The following GRIA1 variants were observed in gnomAD, a reference collection of about 807,000 sequenced individuals.
GRIA1 encodes glutamate ionotropic receptor AMPA type subunit 1.
GRIA1 carries 31 observed loss-of-function variants against 99.2 expected under a neutral mutation model. The observed-to-expected ratio is 0.31, with a 90% CI of 0.23 to 0.42. The LOEUF (loss-of-function observed/expected upper bound fraction) is 0.42, where lower values mean the gene tolerates loss of function less well. Ranked by LOEUF, GRIA1 falls within the 10% of genes least tolerant of loss-of-function variation. The pLI is 1.00. For synonymous variants in GRIA1, 438 were observed against 432.4 expected, an observed-to-expected ratio of 1.01 and a Z score of -0.16; for missense variants, 782 against 1,157.5, an observed-to-expected ratio of 0.68 and a Z score of 4.71.
At chr5:153,687,202 G>A (rs56100245) in intron 8 of GRIA1, among the ~76,000 whole-genome samples, 25,810 of 152,142 alleles carry the variant, frequency 0.17, 2,481 homozygotes, top group African/African-American at 0.25. Context: ...ATTTGGTGGC[G>A]TAGCATAATG....
At chr5:153,708,384 C>T (rs537069768) in intron 11 of GRIA1, among the ~76,000 whole-genome samples, 32 of 152,202 alleles carry the variant, frequency 2.1e-4, no homozygotes, top group African/African-American at 4.3e-4. Context: ...CTATGCTTTC[C>T]GGACTTCTGA....
intron 2 of GRIA1, among the ~76,000 whole-genome samples, chr5:153,600,033 T>C (rs1231586898): frequency 6.6e-6 from 1 of 152,128 alleles, no homozygotes; most frequent in Admixed American, 6.5e-5. Flanking sequence ...CGCACCTTGT[T>C]GCCAAATAGC....
chr5:153,695,683 G>T (rs1303840004), intron 8 of GRIA1, among the ~76,000 whole-genome samples: 1 of 152,184 alleles, frequency 6.6e-6, no homozygotes, highest in Non-Finnish European at 1.5e-5. Context: ...GTGAGTTTCT[G>T]GTTCTTCTGT....
chr5:153,637,726 A>G (rs79384849), intron 2 of GRIA1, among the ~76,000 whole-genome samples: 8,366 of 152,216 alleles, frequency 0.055, 258 homozygotes, highest in African/African-American at 0.073. Flanking sequence ...TCTCATTCTC[A>G]GTTGGCCTAA....
rs897579909 is a variant in GRIA1, at chr5:153,490,711, G to A, written c.-178G>A. 1.6e-5 allele frequency: 11 copies of A among 688,054 alleles called. No homozygotes were observed. Among genetic ancestry groups the A allele is most frequent in the Non-Finnish European group, 2.9e-5 (11 of 376,250 alleles). The allele number at this position is 688,054 out of a possible 1,614,324, so 42.6% of individuals were successfully genotyped here. ...AGTTGGTGTTAACGCTGCAGTTTAA[G>A]TGTTCGGATTCCAAGGGAAACAGAC... On this transcript the variant is annotated 5_prime_UTR_variant, in exon 1 of 16. In the 5' UTR this introduces an upstream ATG that the reference lacks. Coordinates refer to ENST00000285900, the MANE Select transcript of GRIA1 (RefSeq NM_000827.4).
intron 12 of GRIA1, among the ~76,000 whole-genome samples, 161 bp downstream of exon 12, chr5:153,764,793 C>T (rs1763404595): frequency 6.6e-6 from 1 of 152,248 alleles, no homozygotes; most frequent in East Asian, 1.9e-4. Flanking sequence ...CTTTCTACCA[C>T]CCCCCTGAGA....
At chr5:153,697,990 C>A in intron 8 of GRIA1, 54 bp from the exon 9 acceptor site, 2 of 938,666 alleles carry the variant, frequency 2.1e-6, no homozygotes, top group Middle Eastern at 2.1e-4. Flanking sequence ...CCAGAGCAGG[C>A]CAGTTCAGAG....
chr5:153,780,866 G>A (rs56968997), intron 13 of GRIA1, among the ~76,000 whole-genome samples: 19,413 of 152,036 alleles, frequency 0.13, 1,324 homozygotes, highest in Middle Eastern at 0.25. Context: ...ACCACACTAC[G>A]ATTGTTAACA....
At chr5:153,549,401 T>G (rs1369019638) in intron 2 of GRIA1, among the ~76,000 whole-genome samples, 1 of 151,818 alleles carries the variant, frequency 6.6e-6, no homozygotes, top group East Asian at 1.9e-4. Flanking sequence ...CACCACTGGG[T>G]TTTAATCAGG....
intron 2 of GRIA1, among the ~76,000 whole-genome samples, chr5:153,581,254 C>G (rs184685263): frequency 1.3e-5 from 2 of 152,186 alleles, no homozygotes; most frequent in African/African-American, 4.8e-5. Context: ...AACATTTACT[C>G]CTCTCTTAAA....
intron 13 of GRIA1, among the ~76,000 whole-genome samples, chr5:153,782,361 C>A (rs940337494): frequency 6.6e-6 from 1 of 152,168 alleles, no homozygotes; most frequent in African/African-American, 2.4e-5. Flanking sequence ...CACTGAGGAT[C>A]ACAGGAAATG....
chr5:153,781,291 G>C (rs780104601), intron 13 of GRIA1, among the ~76,000 whole-genome samples: 1 of 151,490 alleles, frequency 6.6e-6, no homozygotes, highest in Admixed American at 6.6e-5. Context: ...AGTAAACAAA[G>C]AGCACAATGA....
chr5:153,528,090 G>A (rs1757768740), intron 2 of GRIA1, among the ~76,000 whole-genome samples: 1 of 152,120 alleles, frequency 6.6e-6, no homozygotes, highest in African/African-American at 2.4e-5. Flanking sequence ...GTTTATGCTT[G>A]CGAAAATGTG....
chr5:153,710,695 A>G (rs1759252514), intron 11 of GRIA1, among the ~76,000 whole-genome samples: 1 of 152,196 alleles, frequency 6.6e-6, no homozygotes, highest in Non-Finnish European at 1.5e-5. Flanking sequence ...CTAACTGCCT[A>G]CGACATGCAG....
rs868312437 is a variant in GRIA1 at position 153,770,299 on chromosome 5, G to A, written c.2154G>A (p.Leu718=). ...RKSKGKYAYL[L]ESTMNEYIEQ... is the part of the protein sequence containing the mutation. ...CCAAAGGCAAATATGCCTACCTCCT[G>A]GAGTCCACCATGAATGAGTACATTG... Residue 718 remains leucine, a synonymous_variant, in exon 13 of 16, where the codon CTG becomes CTA. Coordinates refer to ENST00000285900, the MANE Select transcript of GRIA1 (RefSeq NM_000827.4). 6.2e-7 allele frequency: 1 copy of A among 1,614,014 alleles called. No individual in the cohort carries two copies. The highest frequency in any genetic ancestry group is 8.5e-7 in the Non-Finnish European group (1 of 1,179,964).
intron 11 of GRIA1, among the ~76,000 whole-genome samples, chr5:153,737,090 C>T (rs1016780159): frequency 1.3e-5 from 2 of 152,034 alleles, no homozygotes; most frequent in Non-Finnish European, 2.9e-5. Context: ...CCTCGAAGTT[C>T]AGGTCAATCT....
chr5:153,644,926 A>G (rs1171800616), intron 2 of GRIA1, among the ~76,000 whole-genome samples: 1 of 151,896 alleles, frequency 6.6e-6, no homozygotes, highest in South Asian at 2.1e-4. Context: ...GTTGTAAGTT[A>G]GGTGAAGTCA....
chr5:153,582,306 G>A (rs1467792418), intron 2 of GRIA1, among the ~76,000 whole-genome samples: 1 of 152,190 alleles, frequency 6.6e-6, no homozygotes, highest in East Asian at 1.9e-4. Flanking sequence ...TTAGGGTAAT[G>A]TTCATGGATC....
intron 5 of GRIA1, among the ~76,000 whole-genome samples, chr5:153,659,990 C>T (rs776924789): frequency 1.4e-4 from 21 of 152,194 alleles, no homozygotes; most frequent in South Asian, 2.1e-4. Context: ...ATCATACTAC[C>T]GGGTTTTGGA....
Sources: allele counts gnomAD v4.1 joint callset (sites outside exome capture counted in the v4.1 genomes callset), GRCh38; gene constraint gnomAD v4.1.1; transcripts MANE v1.5; gene names NCBI Gene and HGNC (gene_info 2026-07-23, HGNC 2026-07-21).